The following PLEC variants were observed in gnomAD, a reference collection of about 807,000 sequenced individuals.
The protein encoded by PLEC is plectin.
A neutral mutation model predicts 392.8 loss-of-function variants in PLEC; 216 were observed. The observed-to-expected ratio is 0.55, with a 90% CI of 0.49 to 0.62. The LOEUF (loss-of-function observed/expected upper bound fraction) is 0.62. Among genes scored for constraint, PLEC ranks in the 20% least tolerant of loss-of-function variants. The pLI, the probability that PLEC is intolerant of heterozygous loss-of-function variation, is 0.00. For missense variants in PLEC, 6,863 were observed against 6,563.4 expected, an observed-to-expected ratio of 1.05 and a Z score of -1.58; for synonymous variants, 3,621 against 2,980.6, an observed-to-expected ratio of 1.21 and a Z score of -7.00.
intron 30 of PLEC, 120 bp from the exon 31 acceptor site, chr8:143,926,004 G>A: frequency 1.7e-6 from 2 of 1,157,436 alleles, no homozygotes; most frequent in East Asian, 2.6e-5. Flanking sequence ...GGGGAAGACA[G>A]AGGCCCCAGC....
At chr8:143,975,348 C>G, upstream of PLEC, 1 of 1,609,760 alleles carries the variant, frequency 6.2e-7, no homozygotes, top group South Asian at 1.1e-5. This position sits in a 1 kb window ranked among gnomAD's most constrained non-coding sequence, Gnocchi z 9.9. Context: ...ACTGCCCGGA[C>G]CTCAGCGTCC....
rs1246572189 is a variant in PLEC at position 143,917,874 on chromosome 8, G to A, written c.11947C>T (p.Leu3983=). Residue 3983 remains leucine (L), a synonymous_variant, in exon 32 of 32, where the codon CTG becomes TTG. Coordinates refer to ENST00000345136, the MANE Select transcript of PLEC (RefSeq NM_201384.3). ...ACAGCCTCCTCCACCGTCAGCTTCA[G>A]TCCCTTGATGGGGTCGATGACGTAA... The part of the protein sequence containing the change: ...TGYVIDPIKG[L]KLTVEEAVRM... 6.2e-7 allele frequency: 1 copy of A among 1,613,028 alleles called. No homozygotes were observed. The highest frequency in any genetic ancestry group is 1.3e-5 in the African/African-American group (1 of 74,908).
Position 143,924,601 on chromosome 8 carries a change from C to T in PLEC, c.5328G>A (p.Glu1776=), listed in dbSNP as rs2131410324. The change falls in exon 31 of 32, where the codon GAG becomes GAA. Residue 1776 remains glutamate, a synonymous_variant. Transcript: ENST00000345136. ...VLLASKARAE[E]ESRSTSEKSK... ...ACTTCTCGCTGGTGGAGCGCGACTC[C>T]TCCTCAGCCCTCGCCTTGCTGGCCA... 1 of 1,544,464 alleles carries T rather than the reference C, an allele frequency of 6.5e-7. No homozygotes were observed. The highest frequency in any genetic ancestry group is 8.7e-7 in the Non-Finnish European group (1 of 1,151,618).
Position 143,916,529 on chromosome 8 carries a change from T to A in PLEC, c.13292A>T (p.Tyr4431Phe). The change falls in exon 32 of 32, where the codon TAC becomes TTC. Residue 4431 changes from tyrosine (Y) to phenylalanine (F), a missense_variant. Coordinates refer to ENST00000345136, the MANE Select transcript of PLEC (RefSeq NM_201384.3). ...TAQKLRDVGA[Y>F]SKYLTCPKTK... is the part of the protein sequence containing the mutation. The stretch of plus-strand genomic sequence containing the variant: ...CTTAGGGCAGGTGAGGTACTTGGAG[T>A]AGGCGCCCACGTCACGCAGCTTCTG... 3 of 1,611,466 alleles carry A rather than the reference T, an allele frequency of 1.9e-6. No homozygotes were observed. Among genetic ancestry groups the A allele is most frequent in the Non-Finnish European group, 2.5e-6 (3 of 1,179,410 alleles).
chr8:143,917,682 T>C lies in PLEC; in HGVS notation c.12139A>G (p.Ile4047Val), dbSNP rs1345794578. 1.9e-6 allele frequency: 3 copies of C among 1,613,572 alleles called. No homozygotes were observed. Among genetic ancestry groups the C allele is most frequent in the Non-Finnish European group, 2.5e-6 (3 of 1,179,994 alleles). Residue 4047 changes from isoleucine to valine, a missense_variant, in exon 32 of 32, where the codon ATC becomes GTC. Ile to Val is a conservative substitution (Grantham distance 29). Coordinates refer to ENST00000345136, the MANE Select transcript of PLEC (RefSeq NM_201384.3). Reference protein sequence around the residue: ...DHGIRLLEAQIATGGIIDPEE... With the variant: ...DHGIRLLEAQVATGGIIDPEE... ...GGGTCGATGATGCCGCCCGTGGCGA[T>C]CTGGGCCTCCAGCAGGCGGATGCCA...
intron 25 of PLEC, among the ~76,000 whole-genome samples, chr8:143,928,355 G>A (rs1405941554): frequency 2.0e-5 from 3 of 152,286 alleles, no homozygotes; most frequent in Admixed American, 6.5e-5. Context: ...AAGACTGGGC[G>A]AAGGGGACAC....
chr8:143,952,212 G>GCACACA (rs1407645477), upstream of PLEC, among the ~76,000 whole-genome samples: 26 of 137,202 alleles, frequency 1.9e-4, no homozygotes, highest in African/African-American at 6.1e-4. Context: ...ACACACACGC[G>GCACACA]CGCACACACG....
upstream of PLEC, among the ~76,000 whole-genome samples, chr8:143,944,269 C>G (rs886441816): frequency 1.3e-5 from 2 of 152,190 alleles, no homozygotes; most frequent in Non-Finnish European, 2.9e-5. Context: ...GCACTGCCCG[C>G]GGCCTCGGCA....
Position 143,926,758 on chromosome 8 carries a change from C to T in PLEC, c.4044+26G>A, listed in dbSNP as rs782604500. On this transcript the variant is annotated intron_variant, in intron 30 of 31. Transcript: ENST00000345136. ...ACAGGTGGTGAGATGGAACCCTCTG[C>T]CCAGCCTCCGCCCAACGGGCTGTAC... 1.9e-6 allele frequency: 3 copies of T among 1,587,462 alleles called. No individual in the cohort carries two copies. In the African/African-American group the frequency reaches 4.0e-5, roughly 21 times the overall value.
chr8:143,936,861 G>T, intron 5 of PLEC, 118 bp downstream of exon 5: 1 of 789,610 alleles, frequency 1.3e-6, no homozygotes. Context: ...TACCTACGGC[G>T]CCAGTCACCT....
chr8:143,970,688 A>G (rs1833380386), intron 1 of PLEC, among the ~76,000 whole-genome samples: 1 of 152,024 alleles, frequency 6.6e-6, no homozygotes, highest in Admixed American at 6.6e-5. Flanking sequence ...TCAGTTATGG[A>G]CTGGCCGCCT....
In PLEC at chr8:143,918,233, C is replaced by A. The variant is rs781893455; in HGVS notation, c.11588G>T (p.Arg3863Leu). 1 of 1,585,316 alleles carries A rather than the reference C, an allele frequency of 6.3e-7. No individual in the cohort carries two copies. The highest frequency in any genetic ancestry group is 1.1e-5 in the South Asian group (1 of 90,162). Residue 3863 changes from arginine (R) to leucine (L), a missense_variant, in exon 32 of 32, where the codon CGG becomes CTG. Arg to Leu is a moderately radical substitution (Grantham distance 102, BLOSUM62 -2). Coordinates refer to ENST00000345136, the MANE Select transcript of PLEC (RefSeq NM_201384.3). ...ERLSYTQLLR[R>L]CRRDDGTGQL... ...GCCGGTGCCGTCGTCACGACGGCAC[C>A]GCCTGAGCAGCTGCGTGTAGCTGAG...
intron 1 of PLEC, 73 bp downstream of exon 1, chr8:143,939,277 C>A (rs1458671158): frequency 1.3e-6 from 2 of 1,547,866 alleles, no homozygotes; most frequent in Admixed American, 1.9e-5. Flanking sequence ...GGCTTTCCTG[C>A]CACAGGAAGT....
Position 143,939,517 on chromosome 8 carries a change from C to A in PLEC, c.-56G>T. On this transcript the variant is annotated 5_prime_UTR_variant, in exon 1 of 32. Transcript: ENST00000345136. Reference sequence around the variant, plus strand: ...TCGGCCTCAGGCACGGTGCTCTGGGCAGCCCCGTGTGGCACACAGGCAGCT... The same window carrying A: ...TCGGCCTCAGGCACGGTGCTCTGGGAAGCCCCGTGTGGCACACAGGCAGCT... 1 of 1,567,970 alleles carries A rather than the reference C, an allele frequency of 6.4e-7. No homozygotes were observed. The highest frequency in any genetic ancestry group is 1.9e-5 in the Admixed American group (1 of 53,954).
rs1587432443 is a variant in PLEC at position 143,973,294 on chromosome 8, G to A, written c.70+109C>T. The A allele has an allele frequency of 7.3e-7, 1 of 1,369,124 alleles. No homozygotes were observed. The highest frequency in any genetic ancestry group is 1.0e-6 in the Non-Finnish European group (1 of 1,001,866). 84.8% of individuals were successfully genotyped at this position (1,369,124 alleles called of 1,614,324 possible). A position where few individuals can be genotyped will look rare whatever the true frequency, so the allele number is the denominator to read the frequency against. On this transcript the variant is annotated intron_variant, in intron 1 of 31. Coordinates refer to the PLEC transcript ENST00000356346. This position sits in a 1 kb window ranked among gnomAD's most constrained non-coding sequence, Gnocchi z 5.6. ...GCGATCCAGGCGGACGAGGCCGGCG[G>A]AGTGGCCGCGCTCGGGCCGGCGATC...
Position 143,916,919 on chromosome 8 carries a change from T to C in PLEC, c.12902A>G (p.Asn4301Ser), listed in dbSNP as rs868927783. Residue 4301 changes from asparagine (N) to serine (S), a missense_variant, in exon 32 of 32, where the codon AAC becomes AGC. By Grantham distance (46) the Asn-to-Ser change is conservative. Transcript: ENST00000345136. ...CTGCCCCGTGATGTTATCCACCAGG[T>C]TCCGGTGCATGGCCTCGGTGATGGA... ...KVSITEAMHR[N>S]LVDNITGQRL... The C allele has an allele frequency of 1.2e-6, 2 of 1,612,816 alleles. No individual in the cohort carries two copies. Among genetic ancestry groups the C allele is most frequent in the Non-Finnish European group, 1.7e-6 (2 of 1,179,952 alleles).
chr8:143,970,664 A>T (rs529969975), intron 1 of PLEC, among the ~76,000 whole-genome samples: 4 of 152,056 alleles, frequency 2.6e-5, no homozygotes, highest in Non-Finnish European at 5.9e-5. Context: ...GCCCCTGGCA[A>T]CACCGCTCTC....
At chr8:143,962,694 G>A (rs782082487) in intron 1 of PLEC, among the ~76,000 whole-genome samples, 11 of 152,204 alleles carry the variant, frequency 7.2e-5, no homozygotes, top group Non-Finnish European at 1.5e-4. Context: ...TTCTCACATT[G>A]AAGCGAAACT....
rs189233521 is a variant in PLEC at position 143,930,220 on chromosome 8, C to G, written c.2536G>C (p.Gly846Arg). 1 of 1,587,702 alleles carries G rather than the reference C, an allele frequency of 6.3e-7. No individual in the cohort carries two copies. The highest frequency in any genetic ancestry group is 1.1e-5 in the South Asian group (1 of 88,658). ...ACGGAGGGCACGGCGGCCTCGCTGC[C>G]GGAGCTGCTGAGCACCTTCCAGTGG... ...PSHWKVLSSSGSEAAVPSVCF... is the reference protein window; with the variant it reads ...PSHWKVLSSSRSEAAVPSVCF... The change falls in exon 21 of 32, where the codon GGC becomes CGC. Residue 846 changes from glycine (G) to arginine (R), a missense_variant. Physicochemically the swap from Gly to Arg is moderately radical, Grantham distance 125. Transcript: ENST00000345136.
Sources: allele counts gnomAD v4.1 joint callset (sites outside exome capture counted in the v4.1 genomes callset), GRCh38; gene constraint gnomAD v4.1.1; non-coding constraint Gnocchi (gnomAD v3.1); transcripts MANE v1.5; gene names NCBI Gene and HGNC (gene_info 2026-07-23, HGNC 2026-07-21).